Variants in MOXD1 observed in about 807,000 individuals in gnomAD.
The protein encoded by MOXD1 is DBH-like monooxygenase protein 1.
In MOXD1, 62 loss-of-function variants were observed where a neutral mutation model predicts 66.6. The observed-to-expected ratio is 0.93, with a 90% confidence interval of 0.76 to 1.15. The LOEUF is 1.15. Ranked by LOEUF, MOXD1 falls within the 50% of genes most tolerant of loss-of-function variation. MOXD1 has a pLI of 0.00. For synonymous variants in MOXD1, 303 were observed against 281.9 expected (o/e 1.07, Z -0.75); for missense variants, 847 against 754.6 (o/e 1.12, Z -1.44).
chr6:132,359,467 CA>C (rs1250553353), intron 4 of MOXD1, among the ~76,000 whole-genome samples: 1 of 150,614 alleles, frequency 6.6e-6, no homozygotes, highest in Non-Finnish European at 1.5e-5. Context: ...TACAAATTGC[CA>C]GAGTTTTTTT....
chr6:132,344,936 C>T (rs1775640558), intron 4 of MOXD1, among the ~76,000 whole-genome samples: 1 of 152,174 alleles, frequency 6.6e-6, no homozygotes, highest in African/African-American at 2.4e-5. Flanking sequence ...TCTTCTTGGA[C>T]ATGGGACAAG....
intron 4 of MOXD1, among the ~76,000 whole-genome samples, chr6:132,355,449 T>A (rs969887402): frequency 6.6e-6 from 1 of 152,316 alleles, no homozygotes; most frequent in East Asian, 1.9e-4. Flanking sequence ...TTCTCCGGTA[T>A]GTAGGCTGGG....
chr6:132,373,530 T>C (rs1001407398), intron 2 of MOXD1, among the ~76,000 whole-genome samples: 2 of 152,256 alleles, frequency 1.3e-5, no homozygotes, highest in African/African-American at 4.8e-5. Flanking sequence ...GAAGGATTTC[T>C]GATTCTGAGT....
chr6:132,323,665 T>C (rs764658190), intron 7 of MOXD1, among the ~76,000 whole-genome samples: 1 of 152,030 alleles, frequency 6.6e-6, no homozygotes, highest in Non-Finnish European at 1.5e-5. Flanking sequence ...TAAAAGATGA[T>C]ATACAGCATG....
At chr6:132,303,877 ATACATATAT>A (rs1449768932) in intron 10 of MOXD1, among the ~76,000 whole-genome samples, 115 of 46,046 alleles carry the variant, frequency 2.5e-3, no homozygotes, top group South Asian at 3.0e-3. Flanking sequence ...ATATATATAT[ATACATATAT>A]ACATAAAACC....
intron 10 of MOXD1, among the ~76,000 whole-genome samples, chr6:132,309,035 G>A (rs1392948209): frequency 2.6e-5 from 4 of 152,120 alleles, no homozygotes. Flanking sequence ...TCAGGCAATA[G>A]AAAGAAACAA....
At chr6:132,377,181 T>C (rs974625013) in intron 1 of MOXD1, among the ~76,000 whole-genome samples, 6 of 152,246 alleles carry the variant, frequency 3.9e-5, no homozygotes, top group Non-Finnish European at 8.8e-5. Context: ...TTTGTCAAAA[T>C]TCTTATTTTG....
At chr6:132,320,586 T>C in intron 9 of MOXD1, 43 bp downstream of exon 9, 1 of 1,458,794 alleles carries the variant, frequency 6.9e-7, no homozygotes, top group African/African-American at 1.4e-5. Context: ...TTTATTTCTT[T>C]CTCTCCATAA....
chr6:132,333,894 A>G lies in MOXD1; in HGVS notation c.664-5300T>C, dbSNP rs374731136. The stretch of plus-strand genomic sequence containing the variant: ...CACAGACAGAAAGGGAAAGACTTCA[A>G]CCTGAAAGAGGAAAACAGTCTCTTC... On this transcript the variant is annotated intron_variant, in intron 4 of 11. Coordinates refer to ENST00000367963, the MANE Select transcript of MOXD1 (RefSeq NM_015529.4). Among the ~76,000 whole-genome samples the G allele has an allele frequency of 2.2e-4, 33 of 152,348 alleles. No homozygotes were observed. In the East Asian group the frequency reaches 5.8e-3, roughly 27 times the overall value.
At chr6:132,346,215 C>T (rs1775666528) in intron 4 of MOXD1, among the ~76,000 whole-genome samples, 1 of 152,012 alleles carries the variant, frequency 6.6e-6, no homozygotes, top group South Asian at 2.1e-4. Context: ...TAAAATATAA[C>T]TTACATATAA....
intron 1 of MOXD1, among the ~76,000 whole-genome samples, chr6:132,394,035 C>A (rs937860113): frequency 6.6e-6 from 1 of 152,176 alleles, no homozygotes; most frequent in Non-Finnish European, 1.5e-5. Context: ...ATCCTCCTGA[C>A]CCACCATGAT....
intron 4 of MOXD1, among the ~76,000 whole-genome samples, chr6:132,348,431 G>A (rs1379884377): frequency 6.6e-6 from 1 of 152,182 alleles, no homozygotes; most frequent in Non-Finnish European, 1.5e-5. Flanking sequence ...CAAAGATCAA[G>A]GTGGGTCCCA....
At chr6:132,385,461 AATTATTATTATTATT>A (rs71030795) in intron 1 of MOXD1, among the ~76,000 whole-genome samples, 23 of 133,590 alleles carry the variant, frequency 1.7e-4, no homozygotes, top group African/African-American at 2.7e-4. Flanking sequence ...AATATACTGA[AATTATTATTATTATT>A]ATTATTATTA....
intron 1 of MOXD1, among the ~76,000 whole-genome samples, chr6:132,397,059 G>T (rs562332716): frequency 6.6e-6 from 1 of 152,246 alleles, no homozygotes; most frequent in East Asian, 1.9e-4. Context: ...TGGCCTCTTG[G>T]TTCCCTCTTG....
chr6:132,342,045 C>T (rs971600329), intron 4 of MOXD1, among the ~76,000 whole-genome samples: 3 of 152,122 alleles, frequency 2.0e-5, no homozygotes, highest in Non-Finnish European at 4.4e-5. Flanking sequence ...CTCTGTTGCC[C>T]AAGCTGGAGT....
chr6:132,359,695 C>A (rs948017874), intron 4 of MOXD1, among the ~76,000 whole-genome samples: 1 of 151,632 alleles, frequency 6.6e-6, no homozygotes, highest in Non-Finnish European at 1.5e-5. Flanking sequence ...ACTGTGTTAG[C>A]CAGGATGGTC....
intron 4 of MOXD1, among the ~76,000 whole-genome samples, chr6:132,338,506 TG>T (rs756732953): frequency 3.9e-5 from 6 of 152,188 alleles, no homozygotes; most frequent in Non-Finnish European, 8.8e-5. Context: ...ATGTTCTCCA[TG>T]GGTTTGGGTT....
chr6:132,377,392 A>G (rs1354491477), intron 1 of MOXD1, among the ~76,000 whole-genome samples: 1 of 152,368 alleles, frequency 6.6e-6, no homozygotes, highest in Non-Finnish European at 1.5e-5. Context: ...TTGCAATACA[A>G]TACAAACTGT....
intron 4 of MOXD1, among the ~76,000 whole-genome samples, chr6:132,367,226 G>T (rs538451497): frequency 6.6e-6 from 1 of 152,160 alleles, no homozygotes; most frequent in Non-Finnish European, 1.5e-5. Flanking sequence ...AGAAAGGGTT[G>T]ACTTGTTTGG....
Sources: allele counts gnomAD v4.1 joint callset (sites outside exome capture counted in the v4.1 genomes callset), GRCh38; gene constraint gnomAD v4.1.1; transcripts MANE v1.5; gene names NCBI Gene and HGNC (gene_info 2026-07-23, HGNC 2026-07-21).